Variants in CHD9 observed in about 807,000 individuals in gnomAD.
CHD9 encodes chromodomain helicase DNA binding protein 9, also known as ATP-dependent chromatin remodeler CHD9.
A neutral mutation model predicts 316.1 loss-of-function variants in CHD9; 77 were observed. The observed-to-expected ratio is 0.24, with a 90% CI of 0.20 to 0.29. The LOEUF is 0.29. CHD9 is among the 10% of genes least tolerant of loss of function. The pLI is 1.00. For missense variants in CHD9, 2,763 were observed against 3,438.1 expected (o/e 0.80, Z 4.91); for synonymous variants, 1,129 against 1,158.3 (o/e 0.97, Z 0.51).
chr16:53,249,027 A>G (rs1441990459), intron 16 of CHD9, among the ~76,000 whole-genome samples: 2 of 152,146 alleles, frequency 1.3e-5, no homozygotes, highest in Non-Finnish European at 2.9e-5. Flanking sequence ...ATTAAGTTGC[A>G]CTGTTCCCAA....
chr16:53,081,166 C>T (rs1399128814), intron 1 of CHD9, among the ~76,000 whole-genome samples: 1 of 152,166 alleles, frequency 6.6e-6, no homozygotes, highest in Non-Finnish European at 1.5e-5. Flanking sequence ...AAAGCATTTG[C>T]TCTCAGCTAG....
chr16:53,093,695 G>A (rs553352004), intron 1 of CHD9, among the ~76,000 whole-genome samples: 5 of 152,136 alleles, frequency 3.3e-5, no homozygotes, highest in Admixed American at 2.0e-4. Context: ...ATGATTGTCC[G>A]CATTGTACAG....
At chr16:53,121,620 T>C (rs896426893) in intron 1 of CHD9, 2 of 338,948 alleles carry the variant, frequency 5.9e-6, no homozygotes, top group East Asian at 7.5e-5. Context: ...GCTGAACATA[T>C]CCCTTGGATG....
At chr16:53,241,353 A>G (rs1388261054) in intron 12 of CHD9, among the ~76,000 whole-genome samples, 1 of 152,208 alleles carries the variant, frequency 6.6e-6, no homozygotes, top group African/African-American at 2.4e-5. Flanking sequence ...GGTAACCCAG[A>G]GCTCAGTCTT....
At chr16:53,166,867 G>A (rs1307115896) in intron 2 of CHD9, among the ~76,000 whole-genome samples, 1 of 152,122 alleles carries the variant, frequency 6.6e-6, no homozygotes, top group Non-Finnish European at 1.5e-5. Flanking sequence ...ACATAAGTAT[G>A]TGTTTGTATG....
intron 27 of CHD9, among the ~76,000 whole-genome samples, chr16:53,288,924 G>A (rs538211953): frequency 6.6e-6 from 1 of 151,236 alleles, no homozygotes; most frequent in African/African-American, 2.4e-5. Context: ...TATATCTAGG[G>A]TGCCTGGTAA....
intron 17 of CHD9, among the ~76,000 whole-genome samples, chr16:53,254,177 A>C (rs1236306572): frequency 6.6e-6 from 1 of 152,166 alleles, no homozygotes; most frequent in Non-Finnish European, 1.5e-5. Context: ...ACTCCATCTC[A>C]AAAAACAAAC....
intron 1 of CHD9, among the ~76,000 whole-genome samples, chr16:53,126,240 G>A (rs2152667480): frequency 6.6e-6 from 1 of 152,244 alleles, no homozygotes; most frequent in Non-Finnish European, 1.5e-5. Context: ...TGAGGTAGTG[G>A]TCCAACTTCA....
intron 2 of CHD9, among the ~76,000 whole-genome samples, chr16:53,158,946 T>C (rs570995399): frequency 6.6e-6 from 1 of 152,200 alleles, no homozygotes; most frequent in Non-Finnish European, 1.5e-5. Flanking sequence ...CTTAAGTGTT[T>C]TTATTAATTA....
chr16:53,146,260 A>G (rs1005463285), intron 1 of CHD9, among the ~76,000 whole-genome samples: 34 of 144,986 alleles, frequency 2.3e-4, no homozygotes, highest in African/African-American at 7.2e-4. Context: ...GGGCATTGTG[A>G]CGGGCGCCTG....
chr16:53,185,504 A>G (rs2043911550), intron 2 of CHD9, among the ~76,000 whole-genome samples: 2 of 152,128 alleles, frequency 1.3e-5, no homozygotes, highest in African/African-American at 4.8e-5. Context: ...CAGCCTGATG[A>G]TGTGATGAAA....
In CHD9 at chr16:53,262,484, T is replaced by G. The variant is rs570413028; in HGVS notation, c.4210-503T>G. Among the ~76,000 whole-genome samples the G allele has an allele frequency of 9.0e-4, 137 of 152,308 alleles. 1 individual carries two copies. Among genetic ancestry groups the G allele is most frequent in the African/African-American group, 3.0e-3 (125 of 41,590 alleles). The stretch of plus-strand genomic sequence containing the variant: ...GTAGAGTTTCTTTTTTGTGTGTGTT[T>G]GGGAAAAGAGTTTTTAAAATGACAA... On this transcript the variant is annotated intron_variant, in intron 19 of 38. Transcript: ENST00000447540.
At position 53,123,493 on chromosome 16, in the gene CHD9, T is replaced by G. The variant is rs192863884; in HGVS notation, c.-164-32433T>G. ...GGCTTTCATACTTTTTATTTTTTAATTTTCATTATTATTATTATTATTTTG... is the reference window on the plus strand; with the variant it reads ...GGCTTTCATACTTTTTATTTTTTAAGTTTCATTATTATTATTATTATTTTG... On this transcript the variant is annotated intron_variant, in intron 1 of 38. Transcript: ENST00000447540. 5.9e-5 allele frequency among the ~76,000 whole-genome samples: 9 copies of G among 152,160 alleles called. No homozygotes were observed. The East Asian group carries it at 1.7e-3, about 29-fold the overall frequency.
chr16:53,255,894 A>G (rs1237763306), intron 19 of CHD9, 115 bp downstream of exon 19: 2 of 927,974 alleles, frequency 2.2e-6, no homozygotes, highest in Non-Finnish European at 1.6e-6. Context: ...GCCAAGATGC[A>G]GTAGGTAATG....
chr16:53,275,072 C>T (rs2052674691), intron 24 of CHD9, among the ~76,000 whole-genome samples: 1 of 152,126 alleles, frequency 6.6e-6, no homozygotes, highest in Admixed American at 6.5e-5. Flanking sequence ...CACTCTTTCA[C>T]CCAGTCTGGA....
intron 1 of CHD9, among the ~76,000 whole-genome samples, chr16:53,138,622 C>G (rs2039887415): frequency 6.6e-6 from 1 of 152,122 alleles, no homozygotes; most frequent in Admixed American, 6.5e-5. Flanking sequence ...GACACATGGA[C>G]AATTAGAGGC....
chr16:53,180,688 T>G (rs2043433148), intron 2 of CHD9, among the ~76,000 whole-genome samples: 1 of 152,074 alleles, frequency 6.6e-6, no homozygotes, highest in Non-Finnish European at 1.5e-5. Context: ...TTATTATTTT[T>G]TTTTGATACA....
intron 30 of CHD9, chr16:53,298,077 T>G (rs925568026): frequency 1.3e-5 from 2 of 152,256 alleles, no homozygotes; most frequent in Non-Finnish European, 2.9e-5. Flanking sequence ...CTTTTGATTC[T>G]AGTTTTAAAA....
intron 34 of CHD9, among the ~76,000 whole-genome samples, chr16:53,310,512 C>G (rs891350962): frequency 1.3e-5 from 2 of 152,054 alleles, no homozygotes; most frequent in African/African-American, 2.4e-5. Context: ...TAGCTTTTGC[C>G]TGTAAGTCAT....
Sources: gnomAD v4.1 joint callset for allele counts (sites outside exome capture counted in the v4.1 genomes callset) on GRCh38, gnomAD v4.1.1 for gene constraint, MANE v1.5 for transcripts, NCBI Gene and HGNC (gene_info 2026-07-23, HGNC 2026-07-21) for gene names.